Variants in GALNT7 observed in about 807,000 individuals in gnomAD.
GALNT7 encodes polypeptide N-acetylgalactosaminyltransferase 7.
In GALNT7, 60 loss-of-function variants were observed where a neutral mutation model predicts 82.1. The ratio of observed to expected loss-of-function variants is 0.73; its 90% confidence interval spans 0.59 to 0.91. GALNT7 has a LOEUF of 0.91. GALNT7 is among the 40% of genes least tolerant of loss of function. GALNT7 has a pLI of 0.00. For missense variants in GALNT7, 660 were observed against 804.2 expected (o/e 0.82, Z 2.17); for synonymous variants, 243 against 275.1 (o/e 0.88, Z 1.15).
chr4:173,322,799 A>G lies in GALNT7; in HGVS notation c.*1082A>G, dbSNP rs1737869381. ...TGTGCAACCTGTGAAGCCAAGAGTG[A>G]ACTGATGTTTCATTTATATTTTCAT... On this transcript the variant is annotated 3_prime_UTR_variant, in exon 12 of 12. Transcript: ENST00000265000. 6.6e-6 allele frequency: 1 copy of G among 152,162 alleles called. No individual in the cohort carries two copies. Among genetic ancestry groups the G allele is most frequent in the Non-Finnish European group, 1.5e-5 (1 of 68,010 alleles). 9.4% of individuals were successfully genotyped at this position (152,162 alleles called of 1,614,324 possible). A position where few individuals can be genotyped will look rare whatever the true frequency, so the allele number is the denominator to read the frequency against.
At chr4:173,174,570 A>C (rs1320859620) in intron 1 of GALNT7, among the ~76,000 whole-genome samples, 1 of 152,326 alleles carries the variant, frequency 6.6e-6, no homozygotes, top group East Asian at 1.9e-4. Flanking sequence ...CCAGTGGTCT[A>C]TGTGAGGTCA....
intron 9 of GALNT7, chr4:173,315,745 T>A (rs1213131750): frequency 6.6e-6 from 1 of 152,232 alleles, no homozygotes; most frequent in Non-Finnish European, 1.5e-5. Context: ...CAGATCTCTC[T>A]CTGAGGGCCC....
At chr4:173,172,323 T>A (rs1271343435) in intron 1 of GALNT7, among the ~76,000 whole-genome samples, 1 of 152,222 alleles carries the variant, frequency 6.6e-6, no homozygotes, top group Non-Finnish European at 1.5e-5. Flanking sequence ...GTTTTACTCA[T>A]GCTCACTTGA....
At chr4:173,236,258 A>G (rs2126718055) in intron 1 of GALNT7, among the ~76,000 whole-genome samples, 1 of 152,214 alleles carries the variant, frequency 6.6e-6, no homozygotes, top group East Asian at 1.9e-4. Context: ...AGCGAGCCCC[A>G]CTGCAGCACT....
chr4:173,217,728 G>A (rs774784832), intron 1 of GALNT7, among the ~76,000 whole-genome samples: 5 of 152,056 alleles, frequency 3.3e-5, no homozygotes, highest in African/African-American at 9.7e-5. Flanking sequence ...AGCCATATGC[G>A]CTTTAAGACA....
chr4:173,317,516 C>T (rs1361717493), intron 9 of GALNT7, 118 bp from the exon 10 acceptor site: 14 of 677,816 alleles, frequency 2.1e-5, no homozygotes, highest in Non-Finnish European at 3.5e-5. Flanking sequence ...TGTCACTACA[C>T]ATACCCAGAT....
At chr4:173,228,555 C>CATTT (rs1348327651) in intron 1 of GALNT7, among the ~76,000 whole-genome samples, 1 of 152,012 alleles carries the variant, frequency 6.6e-6, no homozygotes, top group Non-Finnish European at 1.5e-5. Flanking sequence ...CTGCAGTGAG[C>CATTT]ATTTCTGCAT....
rs2332667 is a variant in GALNT7 at position 173,236,929 on chromosome 4, A to G, written c.127-11051A>G. Among the ~76,000 whole-genome samples the G allele has an allele frequency of 9.8e-3, 1,489 of 152,352 alleles. 21 individuals carry two copies. Among genetic ancestry groups the G allele is most frequent in the African/African-American group, 0.033 (1,379 of 41,576 alleles). On this transcript the variant is annotated intron_variant, in intron 1 of 11. Coordinates refer to ENST00000265000, the MANE Select transcript of GALNT7 (RefSeq NM_017423.3). ...CATATAAATAGTAACCTGAATGACAAATAACACTCATGATAAACCAGAGTA... is the reference window on the plus strand; with the variant it reads ...CATATAAATAGTAACCTGAATGACAGATAACACTCATGATAAACCAGAGTA...
chr4:173,298,868 ATTGC>A (rs1224521831), intron 6 of GALNT7, among the ~76,000 whole-genome samples: 1 of 152,190 alleles, frequency 6.6e-6, no homozygotes, highest in East Asian at 1.9e-4. Flanking sequence ...AGAATCCTTT[ATTGC>A]TTCATTCTCA....
At chr4:173,191,606 A>G (rs1250062373) in intron 1 of GALNT7, among the ~76,000 whole-genome samples, 2 of 152,238 alleles carry the variant, frequency 1.3e-5, no homozygotes, top group African/African-American at 4.8e-5. Flanking sequence ...GTACTGTGAC[A>G]GAAATTAGAG....
intron 2 of GALNT7, among the ~76,000 whole-genome samples, chr4:173,257,786 G>C (rs1394710439): frequency 6.6e-6 from 1 of 152,144 alleles, no homozygotes; most frequent in South Asian, 2.1e-4. Flanking sequence ...CCCAGTGAGC[G>C]AACTAAAACC....
At chr4:173,206,366 G>A (rs1415451626) in intron 1 of GALNT7, among the ~76,000 whole-genome samples, 3 of 152,150 alleles carry the variant, frequency 2.0e-5, no homozygotes, top group Non-Finnish European at 1.5e-5. Context: ...CTTAGTTCTT[G>A]TGAAAGGTGT....
chr4:173,185,471 G>C (rs1035835040), intron 1 of GALNT7, among the ~76,000 whole-genome samples: 3 of 151,448 alleles, frequency 2.0e-5, no homozygotes, highest in Non-Finnish European at 2.9e-5. Context: ...TATAATTTAG[G>C]GTTTTAATTA....
At chr4:173,298,464 C>G (rs1030513366) in intron 6 of GALNT7, 167 bp downstream of exon 6, 6 of 549,700 alleles carry the variant, frequency 1.1e-5, no homozygotes, top group Non-Finnish European at 1.9e-5. Flanking sequence ...TCCATTTGCT[C>G]CATTGTAATT....
At position 173,299,916 on chromosome 4, in the gene GALNT7, A is replaced by C. The variant is rs565787914; in HGVS notation, c.1148+1619A>C. On this transcript the variant is annotated intron_variant, in intron 6 of 11. Coordinates refer to ENST00000265000, the MANE Select transcript of GALNT7 (RefSeq NM_017423.3). ...TGACAGTTAAATAAAGGTGACATGA[A>C]AATATCACCTAAAATGTAATAGTGT... is the stretch of plus-strand genomic sequence containing the variant. Among the ~76,000 whole-genome samples the C allele has an allele frequency of 2.4e-4, 36 of 152,288 alleles. No individual in the cohort carries two copies. The South Asian group carries it at 6.0e-3, about 25-fold the overall frequency.
intron 1 of GALNT7, among the ~76,000 whole-genome samples, chr4:173,179,038 T>C (rs2126625282): frequency 6.6e-6 from 1 of 152,378 alleles, no homozygotes; most frequent in Non-Finnish European, 1.5e-5. Flanking sequence ...AGTGATTATC[T>C]GGCTTAAGTG....
At chr4:173,231,998 CTG>C (rs1356006705) in intron 1 of GALNT7, among the ~76,000 whole-genome samples, 3 of 152,082 alleles carry the variant, frequency 2.0e-5, no homozygotes, top group Non-Finnish European at 4.4e-5. Flanking sequence ...AAAAATATCA[CTG>C]GAACTAGAGC....
intron 1 of GALNT7, among the ~76,000 whole-genome samples, chr4:173,209,577 C>T (rs1733205357): frequency 6.6e-6 from 1 of 152,206 alleles, no homozygotes; most frequent in South Asian, 2.1e-4. Flanking sequence ...CAACATTTCA[C>T]GTCTCCTTCC....
At chr4:173,297,920 G>A (rs928451769) in intron 5 of GALNT7, 195 bp from the exon 6 acceptor site, 34 of 1,498,170 alleles carry the variant, frequency 2.3e-5, no homozygotes, top group Non-Finnish European at 2.8e-5. Context: ...CTATGGAAAC[G>A]TATTCCTCTA....
Sources: gnomAD v4.1 joint callset for allele counts (sites outside exome capture counted in the v4.1 genomes callset) on GRCh38, gnomAD v4.1.1 for gene constraint, MANE v1.5 for transcripts, NCBI Gene and HGNC (gene_info 2026-07-23, HGNC 2026-07-21) for gene names.